FAT3: variants seen among roughly 807,000 people sequenced by gnomAD.
FAT3 encodes protocadherin Fat 3.
Under a neutral mutation model 310.2 loss-of-function variants are expected in FAT3, and 95 were observed. The observed-to-expected ratio is 0.31, with a 90% CI of 0.26 to 0.36. FAT3 has a LOEUF of 0.36. Among genes scored for constraint, FAT3 ranks in the 10% least tolerant of loss-of-function variants. FAT3 has a pLI of 1.00. For missense variants in FAT3, 5,408 were observed against 5,715.6 expected (o/e 0.95, Z 1.74); for synonymous variants, 2,314 against 2,192.9 (o/e 1.06, Z -1.54).
intron 2 of FAT3, among the ~76,000 whole-genome samples, chr11:92,472,293 C>T (rs905697492): frequency 2.0e-5 from 3 of 152,098 alleles, no homozygotes; most frequent in Non-Finnish European, 2.9e-5. Flanking sequence ...ATCAGTTCCC[C>T]ATACCCTGAC....
At chr11:92,536,613 G>A (rs1007538472) in intron 3 of FAT3, among the ~76,000 whole-genome samples, 21 of 152,138 alleles carry the variant, frequency 1.4e-4, no homozygotes, top group East Asian at 3.8e-4. Flanking sequence ...GCATATGGAC[G>A]GAATTTGTTT....
At chr11:92,570,782 G>A (rs1955641481) in intron 3 of FAT3, among the ~76,000 whole-genome samples, 1 of 152,260 alleles carries the variant, frequency 6.6e-6, no homozygotes, top group Admixed American at 6.5e-5. Flanking sequence ...TGACCACAAA[G>A]AACCAGTCGT....
intron 2 of FAT3, among the ~76,000 whole-genome samples, chr11:92,411,904 C>G (rs1565295443): frequency 6.6e-6 from 1 of 151,956 alleles, no homozygotes; most frequent in Non-Finnish European, 1.5e-5. Flanking sequence ...TCTTTTCTTC[C>G]CCATGCTAAT....
Position 92,620,359 on chromosome 11 carries a change from T to C in FAT3, c.3608-77025T>C, listed in dbSNP as rs192000406. Among the ~76,000 whole-genome samples the C allele has an allele frequency of 1.8e-3, 270 of 152,348 alleles. 1 individual carries two copies. Among genetic ancestry groups the C allele is most frequent in the African/African-American group, 6.2e-3 (258 of 41,582 alleles). On this transcript the variant is annotated intron_variant, in intron 3 of 27. Coordinates refer to ENST00000525166, the MANE Select transcript of FAT3 (RefSeq NM_001367949.2). ...GAATATAGTGTTATGTATTTTTGTC[T>C]TTGGTCTAGTTGGCTTAGAGCATTG... is the stretch of plus-strand genomic sequence containing the variant.
rs117008752 is a variant in FAT3, at chr11:92,318,048, T to C, written c.-17-34048T>C. ...ATTATATGTCTTTACTCTGAAAATA[T>C]TTTGTAAAGTACTTCGTAAAGTATT... On this transcript the variant is annotated intron_variant, in intron 1 of 27. Coordinates refer to ENST00000525166, the MANE Select transcript of FAT3 (RefSeq NM_001367949.2). Among the ~76,000 whole-genome samples, 80 of 152,304 alleles carry C rather than the reference T, an allele frequency of 5.3e-4. 2 individuals carry two copies. In the East Asian group the frequency reaches 0.015, roughly 29 times the overall value.
intron 2 of FAT3, among the ~76,000 whole-genome samples, chr11:92,522,357 G>T (rs1427955507): frequency 6.6e-6 from 1 of 152,104 alleles, no homozygotes; most frequent in Admixed American, 6.5e-5. Context: ...ACCTGTTCAG[G>T]TATCCAACCC....
chr11:92,231,428 T>C (rs2134229177), intron 1 of FAT3, among the ~76,000 whole-genome samples: 1 of 152,364 alleles, frequency 6.6e-6, no homozygotes, highest in Non-Finnish European at 1.5e-5. Context: ...CTTGTACTTT[T>C]CAGAGCAGTT....
At chr11:92,704,107 G>A (rs754037477) in intron 4 of FAT3, among the ~76,000 whole-genome samples, 3 of 152,086 alleles carry the variant, frequency 2.0e-5, no homozygotes, top group Admixed American at 6.5e-5. Flanking sequence ...ATCTTTTCTC[G>A]CTCTCATTTT....
At chr11:92,627,833 T>A (rs1941393572) in intron 3 of FAT3, among the ~76,000 whole-genome samples, 1 of 152,066 alleles carries the variant, frequency 6.6e-6, no homozygotes, top group African/African-American at 2.4e-5. Flanking sequence ...AAAGGATGAG[T>A]TGACATTAAT....
chr11:92,393,003 TGTGA>T (rs779882873), intron 2 of FAT3, among the ~76,000 whole-genome samples: 60 of 152,148 alleles, frequency 3.9e-4, no homozygotes, highest in Non-Finnish European at 7.1e-4. Context: ...CGGGTATGGG[TGTGA>T]GTGTCTGATC....
intron 1 of FAT3, among the ~76,000 whole-genome samples, chr11:92,304,625 G>T (rs543385742): frequency 2.7e-4 from 41 of 152,220 alleles, no homozygotes; most frequent in African/African-American, 9.9e-4. Flanking sequence ...AGGCAAAAAT[G>T]ACTGGTCTCT....
intron 13 of FAT3, among the ~76,000 whole-genome samples, chr11:92,811,792 T>C (rs1947680375): frequency 6.6e-6 from 1 of 152,178 alleles, no homozygotes; most frequent in Non-Finnish European, 1.5e-5. Context: ...ATGTATAAAG[T>C]ATACTCACCA....
intron 2 of FAT3, among the ~76,000 whole-genome samples, chr11:92,472,632 C>G (rs531844829): frequency 6.6e-6 from 1 of 152,178 alleles, no homozygotes; most frequent in Admixed American, 6.5e-5. Context: ...GCATACAGTA[C>G]CATGAGCTCT....
chr11:92,883,258 C>G lies in FAT3; in HGVS notation c.12802C>G (p.Pro4268Ala), dbSNP rs746171458. 1 of 1,612,862 alleles carries G rather than the reference C, an allele frequency of 6.2e-7. No individual in the cohort carries two copies. Residue 4268 changes from proline to alanine, a missense_variant, in exon 24 of 28, where the codon CCT becomes GCT. Physicochemically the swap from Pro to Ala is conservative, Grantham distance 27. Around this residue, in one of 5 missense-constraint regions of FAT3, gnomAD observed 649 missense variants for 666.2 expected, o/e 0.97. Transcript: ENST00000525166. The surrounding 1 kb of genome is among the most constrained non-coding windows in gnomAD (Gnocchi z 4.2). ...GEHQEMTTFH[P>A]ESPRILTARR... ...GCACCAGGAAATGACCACGTTTCAC[C>G]CTGAGTCGCCCCGCATCCTGACAGC...
intron 3 of FAT3, among the ~76,000 whole-genome samples, chr11:92,599,559 TGA>T (rs1452360159): frequency 2.0e-5 from 3 of 152,160 alleles, no homozygotes; most frequent in Non-Finnish European, 4.4e-5. Flanking sequence ...GGAAGAAAGA[TGA>T]GTGGGAGGAT....
chr11:92,325,951 G>T (rs1266381371), intron 1 of FAT3, among the ~76,000 whole-genome samples: 1 of 152,154 alleles, frequency 6.6e-6, no homozygotes, highest in Non-Finnish European at 1.5e-5. Flanking sequence ...TATTTGTGGG[G>T]ATGTGTATAT....
intron 2 of FAT3, among the ~76,000 whole-genome samples, chr11:92,522,169 C>G (rs1953707630): frequency 6.6e-6 from 1 of 152,178 alleles, no homozygotes; most frequent in Non-Finnish European, 1.5e-5. Flanking sequence ...TCACACCTTT[C>G]TACTCTTAGT....
At chr11:92,802,149 T>G (rs1405547928) in intron 10 of FAT3, among the ~76,000 whole-genome samples, 1 of 152,176 alleles carries the variant, frequency 6.6e-6, no homozygotes, top group Non-Finnish European at 1.5e-5. Flanking sequence ...TATTGGTAAC[T>G]AGTCTTTGTG....
rs7932084 is a variant in FAT3, at chr11:92,587,576, A to C, written c.3607+62628A>C. Among the ~76,000 whole-genome samples the C allele has an allele frequency of 1.4e-3, 220 of 152,144 alleles. No homozygotes were observed. The Middle Eastern group carries it at 0.017, about 12-fold the overall frequency. ...CATGAAAAAGGCTATAATGTAGCAT[A>C]TTTAGCATAACAAAATAAAACCTTG... On this transcript the variant is annotated intron_variant, in intron 3 of 27. Transcript: ENST00000525166.
Sources: allele counts gnomAD v4.1 joint callset (sites outside exome capture counted in the v4.1 genomes callset), GRCh38; gene constraint gnomAD v4.1.1; regional missense constraint gnomAD v4.1.1; non-coding constraint Gnocchi (gnomAD v3.1); transcripts MANE v1.5; gene names NCBI Gene and HGNC (gene_info 2026-07-23, HGNC 2026-07-21).